The following CCNK variants were observed in gnomAD, a reference collection of about 807,000 sequenced individuals.
CCNK encodes the protein cyclin-K.
In CCNK, 9 loss-of-function variants were observed where a neutral mutation model predicts 65.0. That is an observed-to-expected ratio of 0.14 (90% CI 0.08 to 0.24). CCNK has a LOEUF of 0.24. CCNK is among the 10% of genes least tolerant of loss of function. CCNK has a pLI of 1.00. For missense variants in CCNK, 474 were observed against 720.0 expected (o/e 0.66, Z 3.91); for synonymous variants, 279 against 270.8 (o/e 1.03, Z -0.30).
chr14:99,502,117 A>G (rs1158406800), intron 6 of CCNK, 90 bp from the exon 7 acceptor site: 3 of 1,360,916 alleles, frequency 2.2e-6, no homozygotes, highest in East Asian at 2.6e-5. Context: ...GAATAAGCAA[A>G]TTAATGGTTA....
chr14:99,502,967 C>A lies in CCNK; in HGVS notation c.994C>A (p.Gln332Lys), dbSNP rs1191788942. The change falls in exon 8 of 11, where the codon CAG becomes AAG. Residue 332 changes from glutamine to lysine, a missense_variant. Physicochemically the swap from Gln to Lys is moderately conservative, Grantham distance 53. Coordinates refer to ENST00000389879, the MANE Select transcript of CCNK (RefSeq NM_001099402.2). ...CTCTCCGCAGCCCAGTTCTCCCCGA[C>A]AGGTTAAGCGAGCCGTGGTGAGTGG... is the stretch of plus-strand genomic sequence containing the variant. ...KPSPQPSSPRQVKRAVVVSPK... is the reference protein window; with the variant it reads ...KPSPQPSSPRKVKRAVVVSPK... 1 of 1,613,986 alleles carries A rather than the reference C, an allele frequency of 6.2e-7. No individual in the cohort carries two copies.
chr14:99,482,484 T>C (rs1281950212), intron 1 of CCNK, among the ~76,000 whole-genome samples: 1 of 152,264 alleles, frequency 6.6e-6, no homozygotes, highest in Non-Finnish European at 1.5e-5. Context: ...GACATTTGGA[T>C]TAAAGTGCCC....
At position 99,489,965 on chromosome 14, in the gene CCNK, A is replaced by G. The variant is rs1392188116; in HGVS notation, c.-52-2661A>G. Among the ~76,000 whole-genome samples, 25 of 152,392 alleles carry G rather than the reference A, an allele frequency of 1.6e-4. 1 individual carries two copies. In the South Asian group the frequency reaches 5.2e-3, roughly 32 times the overall value. ...ATAATAAATGTTGAAGCAGTGAAGG[A>G]AATAGAAAGTCACCATTAGAACACC... is the stretch of plus-strand genomic sequence containing the variant. On this transcript the variant is annotated intron_variant, in intron 1 of 10. Transcript: ENST00000389879.
intron 4 of CCNK, 80 bp downstream of exon 4, chr14:99,495,709 C>T: frequency 7.8e-7 from 1 of 1,289,890 alleles, no homozygotes. Context: ...TTGACAGTGC[C>T]TGTAGCCCTT....
At chr14:99,483,413 T>C (rs1035984270) in intron 1 of CCNK, among the ~76,000 whole-genome samples, 3 of 151,258 alleles carry the variant, frequency 2.0e-5, no homozygotes, top group Non-Finnish European at 4.4e-5. Context: ...ATTAGCCAGA[T>C]GTGGAGGTGC....
intron 4 of CCNK, chr14:99,500,125 G>C (rs753456131): frequency 6.6e-6 from 1 of 152,334 alleles, no homozygotes; most frequent in Admixed American, 6.5e-5. Context: ...ACATACACAC[G>C]TAGTTTAGGA....
intron 10 of CCNK, chr14:99,509,764 A>T (rs1291894102): frequency 1.2e-5 from 3 of 244,756 alleles, no homozygotes; most frequent in Non-Finnish European, 1.6e-5. Context: ...ACTGCTGCAG[A>T]CAGGAGTTCA....
At chr14:99,482,206 A>G (rs1463457679) in intron 1 of CCNK, among the ~76,000 whole-genome samples, 2 of 152,242 alleles carry the variant, frequency 1.3e-5, no homozygotes, top group Non-Finnish European at 2.9e-5. Flanking sequence ...GTTAGGAACT[A>G]TTTCTAAGAG....
Position 99,507,668 on chromosome 14 carries a change from A to G in CCNK, c.1117+521A>G, listed in dbSNP as rs755142935. ...CCAGAAATGCTAAACTACACATTGT[A>G]TTAGAATCAGTTTTAGGAAAGAAAG... On this transcript the variant is annotated intron_variant, in intron 10 of 10. Transcript: ENST00000389879. 203 of 155,454 alleles carry G rather than the reference A, an allele frequency of 1.3e-3. 1 individual carries two copies. Among genetic ancestry groups the G allele is most frequent in the Non-Finnish European group, 1.7e-3 (116 of 69,954 alleles). The allele number at this position is 155,454 out of a possible 1,614,324, so 9.6% of individuals were successfully genotyped here.
chr14:99,489,560 CAAATAAAT>C (rs901758873), intron 1 of CCNK, among the ~76,000 whole-genome samples: 1 of 152,112 alleles, frequency 6.6e-6, no homozygotes, highest in African/African-American at 2.4e-5. Context: ...AATAAATAAA[CAAATAAAT>C]AATTCTTTTC....
chr14:99,496,662 A>G (rs1235125463), intron 4 of CCNK, among the ~76,000 whole-genome samples: 1 of 152,010 alleles, frequency 6.6e-6, no homozygotes, highest in Non-Finnish European at 1.5e-5. Flanking sequence ...GTGAGCCGAG[A>G]TGGCACCACT....
At position 99,481,423 on chromosome 14, in the gene CCNK, A is replaced by G. The variant is rs1595298558; in HGVS notation, c.-109A>G. On this transcript the variant is annotated 5_prime_UTR_variant, in exon 1 of 11. Transcript: ENST00000389879. ...CGTAGGTCCCCGACATTCCATATAC[A>G]AGATGGCCGCAGTCGGCAAGGAGAG... The G allele has an allele frequency of 2.8e-5, 11 of 398,550 alleles. No individual in the cohort carries two copies. The allele number at this position is 398,550 out of a possible 1,614,324, so 24.7% of individuals were successfully genotyped here.
Position 99,510,830 on chromosome 14 carries a change from G to A in CCNK, c.*48G>A, listed in dbSNP as rs769407837. On this transcript the variant is annotated 3_prime_UTR_variant, in exon 11 of 11. Transcript: ENST00000389879. Reference sequence around the variant, plus strand: ...GTTTTTTTAACAAGATTTTCTAATCGACTTGCAGAGTAGTTGAAGTGGGTA... The same window carrying A: ...GTTTTTTTAACAAGATTTTCTAATCAACTTGCAGAGTAGTTGAAGTGGGTA... The A allele has an allele frequency of 5.8e-6, 8 of 1,375,060 alleles. No homozygotes were observed. Among genetic ancestry groups the A allele is most frequent in the Non-Finnish European group, 7.5e-6 (8 of 1,059,776 alleles). 85.2% of individuals were successfully genotyped at this position (1,375,060 alleles called of 1,614,324 possible).
chr14:99,493,561 A>G lies in CCNK; in HGVS notation c.245A>G (p.Tyr82Cys). 1.2e-6 allele frequency: 2 copies of G among 1,611,828 alleles called. No individual in the cohort carries two copies. The highest frequency in any genetic ancestry group is 1.1e-5 in the South Asian group (1 of 90,920). ...ATGIIYFHRF[Y>C]MFHSFKQFPR... ...GGAATAATTTATTTTCATCGCTTCT[A>G]TATGTTTCATTCCTTCAAGCAATTC... Residue 82 changes from tyrosine to cysteine, a missense_variant, in exon 3 of 11, where the codon TAT (tyrosine) becomes TGT (cysteine). Physicochemically the swap from Tyr to Cys is radical, Grantham distance 194. Transcript: ENST00000389879.
At chr14:99,484,034 C>G (rs1896421442) in intron 1 of CCNK, among the ~76,000 whole-genome samples, 1 of 151,494 alleles carries the variant, frequency 6.6e-6, no homozygotes, top group African/African-American at 2.4e-5. Flanking sequence ...GAGATTGTCT[C>G]AAAAAAAATA....
At chr14:99,491,635 C>T (rs1475040775) in intron 1 of CCNK, among the ~76,000 whole-genome samples, 2 of 152,212 alleles carry the variant, frequency 1.3e-5, no homozygotes, top group African/African-American at 4.8e-5. Flanking sequence ...TTCAGAGCTA[C>T]CAGGTGCAAG....
chr14:99,495,574 C>G lies in CCNK; in HGVS notation c.356C>G (p.Thr119Arg). Residue 119 changes from threonine to arginine, a missense_variant, in exon 4 of 11, where the codon ACA (threonine) becomes AGA (arginine). By Grantham distance (71) the Thr-to-Arg change is moderately conservative. Coordinates refer to ENST00000389879, the MANE Select transcript of CCNK (RefSeq NM_001099402.2). The stretch of plus-strand genomic sequence containing the variant: ...AAAAAATGTAAAGATATCATCAAAA[C>G]AGCTCGTAGTTTATTAAATGATGTA... ...TPKKCKDIIK[T>R]ARSLLNDVQF... 1 of 1,613,160 alleles carries G rather than the reference C, an allele frequency of 6.2e-7. No homozygotes were observed. Among genetic ancestry groups the G allele is most frequent in the Non-Finnish European group, 8.5e-7 (1 of 1,179,602 alleles).
chr14:99,495,500 G>A lies in CCNK; in HGVS notation c.282G>A (p.Val94=). Residue 94 remains valine (V), a splice_region_variant and synonymous_variant, in exon 4 of 11, where the codon GTG becomes GTA. Transcript: ENST00000389879. Reference sequence around the variant, plus strand: ...AAGAACTTTTGTTTCCCTTTTAGGTGACAGGAGCCTGTTGCCTCTTTCTGG... The same window carrying A: ...AAGAACTTTTGTTTCCCTTTTAGGTAACAGGAGCCTGTTGCCTCTTTCTGG... ...FHSFKQFPRY[V]TGACCLFLAG... is the part of the protein sequence containing the mutation. 1 of 1,609,790 alleles carries A rather than the reference G, an allele frequency of 6.2e-7. No homozygotes were observed. Among genetic ancestry groups the A allele is most frequent in the South Asian group, 1.1e-5 (1 of 90,096 alleles).
chr14:99,490,942 A>AAAAGAGATG (rs1896584693), intron 1 of CCNK, among the ~76,000 whole-genome samples: 1 of 152,058 alleles, frequency 6.6e-6, no homozygotes, highest in South Asian at 2.1e-4. Context: ...AAAAAAAAAA[A>AAAAGAGATG]AAAGAGATGT....
Sources: gnomAD v4.1 joint callset for allele counts (sites outside exome capture counted in the v4.1 genomes callset) on GRCh38, gnomAD v4.1.1 for gene constraint, MANE v1.5 for transcripts, NCBI Gene and HGNC (gene_info 2026-07-23, HGNC 2026-07-21) for gene names.